C1orf21: variants seen among roughly 807,000 people sequenced by gnomAD.
C1orf21 encodes uncharacterized protein C1orf21.
C1orf21 carries 3 observed loss-of-function variants against 18.7 expected under a neutral mutation model. The observed-to-expected ratio is 0.16, with a 90% CI of 0.07 to 0.42. The LOEUF (loss-of-function observed/expected upper bound fraction) is 0.42. Ranked by LOEUF, C1orf21 falls within the 10% of genes least tolerant of loss-of-function variation. C1orf21 has a pLI of 0.99. For synonymous variants in C1orf21, 41 were observed against 46.4 expected (o/e 0.88, Z 0.47); for missense variants, 104 against 143.6 (o/e 0.72, Z 1.41).
intron 1 of C1orf21, among the ~76,000 whole-genome samples, chr1:184,405,584 C>T (rs1361138470): frequency 1.3e-5 from 2 of 152,124 alleles, no homozygotes; most frequent in African/African-American, 2.4e-5. Context: ...CTGATATTTT[C>T]GCAGAGAATG....
intron 4 of C1orf21, among the ~76,000 whole-genome samples, chr1:184,595,220 A>G (rs1659496863): frequency 6.6e-6 from 1 of 152,222 alleles, no homozygotes. Context: ...AGTGAATGCT[A>G]GTGAATCTTT....
chr1:184,511,406 A>G (rs905981436), intron 3 of C1orf21, among the ~76,000 whole-genome samples: 2 of 152,162 alleles, frequency 1.3e-5, no homozygotes, highest in African/African-American at 4.8e-5. Context: ...TCAGGGTACT[A>G]TGTGAAAATA....
intron 2 of C1orf21, among the ~76,000 whole-genome samples, chr1:184,502,030 C>T (rs1013488186): frequency 3.9e-5 from 6 of 152,190 alleles, no homozygotes; most frequent in Non-Finnish European, 7.3e-5. Context: ...ATACCATTTT[C>T]ATCCTTCAAT....
intron 1 of C1orf21, among the ~76,000 whole-genome samples, chr1:184,468,955 C>G (rs1271224618): frequency 4.0e-5 from 6 of 151,748 alleles, no homozygotes; most frequent in Non-Finnish European, 7.4e-5. Context: ...AACAAAAAGG[C>G]CGGGCTTGGT....
chr1:184,618,262 T>C (rs1352536230), intron 5 of C1orf21, among the ~76,000 whole-genome samples: 3 of 152,200 alleles, frequency 2.0e-5, no homozygotes, highest in Admixed American at 6.5e-5. Flanking sequence ...ATATACATCA[T>C]GTGTAAAAGT....
intron 5 of C1orf21, among the ~76,000 whole-genome samples, chr1:184,610,369 C>G (rs1336406557): frequency 6.6e-6 from 1 of 152,198 alleles, no homozygotes; most frequent in East Asian, 1.9e-4. Flanking sequence ...TACTGTGGCC[C>G]TTCCCAGAGG....
chr1:184,559,794 T>C (rs1478155142), intron 3 of C1orf21, among the ~76,000 whole-genome samples: 1 of 152,028 alleles, frequency 6.6e-6, no homozygotes, highest in African/African-American at 2.4e-5. Context: ...ATTTTTGTAA[T>C]TCTTATAAAG....
chr1:184,434,292 T>A (rs1158915024), intron 1 of C1orf21, among the ~76,000 whole-genome samples: 2 of 152,060 alleles, frequency 1.3e-5, no homozygotes, highest in Non-Finnish European at 2.9e-5. Flanking sequence ...GTCAGGCACT[T>A]GATGTATATT....
intron 3 of C1orf21, among the ~76,000 whole-genome samples, chr1:184,518,085 C>T (rs1435728442): frequency 6.6e-6 from 1 of 152,104 alleles, no homozygotes; most frequent in African/African-American, 2.4e-5. Context: ...GGAAGACTTC[C>T]TATATCCAGC....
chr1:184,507,552 A>T, intron 2 of C1orf21, 36 bp from the exon 3 acceptor site: 2 of 1,547,842 alleles, frequency 1.3e-6, no homozygotes, highest in South Asian at 2.5e-5. Context: ...ATTGGGAAAA[A>T]AATTATAAAA....
chr1:184,404,616 G>T (rs572604016), intron 1 of C1orf21, among the ~76,000 whole-genome samples: 1 of 152,108 alleles, frequency 6.6e-6, no homozygotes, highest in Admixed American at 6.5e-5. Flanking sequence ...TCTTAATACA[G>T]TTACCATAGC....
At chr1:184,442,179 A>T (rs902875022) in intron 1 of C1orf21, among the ~76,000 whole-genome samples, 4 of 152,228 alleles carry the variant, frequency 2.6e-5, no homozygotes, top group Admixed American at 2.0e-4. Context: ...GGGACAATGT[A>T]TGTAAATTGC....
intron 3 of C1orf21, among the ~76,000 whole-genome samples, chr1:184,539,497 A>G (rs2890015): frequency 0.53 from 80,622 of 152,002 alleles, 21,899 homozygotes; most frequent in African/African-American, 0.67. Flanking sequence ...GATAATGCTG[A>G]TCTTGTATAA....
rs1013443979 is a variant in C1orf21, at chr1:184,627,594, T to C, written c.*8038T>C. 1.3e-5 allele frequency: 2 copies of C among 152,236 alleles called. No individual in the cohort carries two copies. Among genetic ancestry groups the C allele is most frequent in the South Asian group, 2.1e-4 (1 of 4,832 alleles). 9.4% of individuals were successfully genotyped at this position (152,236 alleles called of 1,614,324 possible). On this transcript the variant is annotated 3_prime_UTR_variant, in exon 6 of 6. Transcript: ENST00000235307. ...GCTTTCTGGACCCTTGGAAAGATGT[T>C]AGCTCAAACACCCACTTTTTCCAGA...
At position 184,595,351 on chromosome 1, in the gene C1orf21, C is replaced by G. The variant is rs558463495; in HGVS notation, c.267-3050C>G. ...CAGTGAGCTTTTCCTCCTCATCTCC[C>G]CCACTCACAATCATCAAATTGTGCA... On this transcript the variant is annotated intron_variant, in intron 4 of 5. Coordinates refer to ENST00000235307, the MANE Select transcript of C1orf21 (RefSeq NM_030806.4). Among the ~76,000 whole-genome samples, 36 of 152,244 alleles carry G rather than the reference C, an allele frequency of 2.4e-4. 1 individual carries two copies. In the South Asian group the frequency reaches 6.8e-3, roughly 29 times the overall value.
rs559701641 is a variant in C1orf21 at position 184,395,941 on chromosome 1, T to C, written c.-125+8573T>C. 6.6e-5 allele frequency among the ~76,000 whole-genome samples: 10 copies of C among 152,300 alleles called. No homozygotes were observed. The East Asian group carries it at 1.9e-3, about 29-fold the overall frequency. ...GGGACTAACACTGGTTTGCTAACTTTGAATTTTTTTTATTTTACTGTACAC... is the reference window on the plus strand; with the variant it reads ...GGGACTAACACTGGTTTGCTAACTTCGAATTTTTTTTATTTTACTGTACAC... On this transcript the variant is annotated intron_variant, in intron 1 of 5. Coordinates refer to ENST00000235307, the MANE Select transcript of C1orf21 (RefSeq NM_030806.4).
At chr1:184,416,078 A>T (rs1357766326) in intron 1 of C1orf21, among the ~76,000 whole-genome samples, 2 of 152,208 alleles carry the variant, frequency 1.3e-5, no homozygotes, top group Non-Finnish European at 2.9e-5. Flanking sequence ...TCTTCATAGG[A>T]ACAAAATCAT....
In C1orf21 at chr1:184,533,731, C is replaced by T. The variant is rs573304187; in HGVS notation, c.189+26049C>T. Among the ~76,000 whole-genome samples, 38 of 152,320 alleles carry T rather than the reference C, an allele frequency of 2.5e-4. 1 individual carries two copies. The East Asian group carries it at 6.7e-3, about 27-fold the overall frequency. ...TCTGGGAACTTGCTCCACACAATCC[C>T]CCATAAAATGTCCTTCAGGAAAGGG... On this transcript the variant is annotated intron_variant, in intron 3 of 5. Coordinates refer to ENST00000235307, the MANE Select transcript of C1orf21 (RefSeq NM_030806.4).
chr1:184,456,498 T>C (rs532601482), intron 1 of C1orf21, among the ~76,000 whole-genome samples: 1 of 152,314 alleles, frequency 6.6e-6, no homozygotes, highest in South Asian at 2.1e-4. Flanking sequence ...GAAATAGAAA[T>C]TCGATGACCT....
Sources: gnomAD v4.1 joint callset for allele counts (sites outside exome capture counted in the v4.1 genomes callset) on GRCh38, gnomAD v4.1.1 for gene constraint, MANE v1.5 for transcripts, NCBI Gene and HGNC (gene_info 2026-07-23, HGNC 2026-07-21) for gene names.